The following DENND2A variants were observed in gnomAD, a reference collection of about 807,000 sequenced individuals.
DENND2A encodes DENN domain containing 2A.
Under a neutral mutation model 105.3 loss-of-function variants are expected in DENND2A, and 53 were observed. The observed-to-expected ratio is 0.50, with a 90% CI of 0.40 to 0.63. DENND2A has a LOEUF of 0.63. Ranked by LOEUF, DENND2A falls within the 30% of genes least tolerant of loss-of-function variation. The probability of loss-of-function intolerance (pLI) is 0.00; values close to 1 mark genes in which losing one functional copy is unlikely to be tolerated. For synonymous variants in DENND2A, 522 were observed against 508.4 expected (o/e 1.03, Z -0.36); for missense variants, 1,138 against 1,279.6 (o/e 0.89, Z 1.69).
intron 9 of DENND2A, among the ~76,000 whole-genome samples, chr7:140,562,105 G>A (rs1797640356): frequency 6.6e-6 from 1 of 151,630 alleles, no homozygotes; most frequent in Non-Finnish European, 1.5e-5. Flanking sequence ...GGCCAGGCTG[G>A]TCTCGAACTC....
rs760630133 is a variant in DENND2A at position 140,601,852 on chromosome 7, T to G, written c.546A>C (p.Pro182=). The G allele has an allele frequency of 1.2e-6, 2 of 1,614,052 alleles. No homozygotes were observed. Among genetic ancestry groups the G allele is most frequent in the Non-Finnish European group, 8.5e-7 (1 of 1,180,042 alleles). Reference sequence around the variant, plus strand: ...GGCAGTGTGGGGAGTAACAAGTCCCTGGTAACTGGGGATCCAGCCCTGCCG... The same window carrying G: ...GGCAGTGTGGGGAGTAACAAGTCCCGGGTAACTGGGGATCCAGCCCTGCCG... ...DGSAGLDPQL[P]GTCYSPHCPP... The change falls in exon 3 of 20, where the codon CCA becomes CCC. Residue 182 remains proline (P), a synonymous_variant. Coordinates refer to ENST00000496613, the MANE Select transcript of DENND2A (RefSeq NM_015689.5).
chr7:140,639,175 A>G (rs551344594), intron 1 of DENND2A, among the ~76,000 whole-genome samples: 35 of 152,098 alleles, frequency 2.3e-4, no homozygotes, highest in African/African-American at 8.2e-4. Flanking sequence ...AACATGGTGA[A>G]ACCCCGTCTC....
chr7:140,544,674 A>G lies in DENND2A; in HGVS notation c.2271T>C (p.Cys757=). The G allele has an allele frequency of 6.2e-7, 1 of 1,614,124 alleles. No homozygotes were observed. The highest frequency in any genetic ancestry group is 8.5e-7 in the Non-Finnish European group (1 of 1,180,014). Residue 757 remains cysteine (C), a synonymous_variant, in exon 14 of 20, where the codon TGT becomes TGC. Transcript: ENST00000496613. ...FSSLSVRHLV[C]VFASLLLERR... ...TCTCCAGAAGCAGGGAGGCAAACAC[A>G]CAGACCAGGTGGCGGACGCTGAGGG...
chr7:140,610,349 G>A (rs1011771381), intron 1 of DENND2A, among the ~76,000 whole-genome samples: 1 of 151,120 alleles, frequency 6.6e-6, no homozygotes, highest in Non-Finnish European at 1.5e-5. Context: ...ATCCTGTTGG[G>A]TACTGCGGTC....
intron 12 of DENND2A, among the ~76,000 whole-genome samples, chr7:140,551,299 C>CAAAAAAAA (rs529992901): frequency 1.4e-5 from 1 of 71,742 alleles, no homozygotes; most frequent in Non-Finnish European, 2.7e-5. Context: ...GACTCCATCT[C>CAAAAAAAA]AAAAAAAAAA....
intron 1 of DENND2A, among the ~76,000 whole-genome samples, chr7:140,611,842 G>A (rs968491512): frequency 6.6e-6 from 1 of 152,196 alleles, no homozygotes; most frequent in Non-Finnish European, 1.5e-5. Context: ...GCTATTAATA[G>A]GTGAGGGTTT....
intron 1 of DENND2A, among the ~76,000 whole-genome samples, chr7:140,606,680 G>A (rs1354601643): frequency 1.3e-5 from 2 of 152,132 alleles, no homozygotes; most frequent in African/African-American, 2.4e-5. Context: ...AGCCAGTCAC[G>A]AGGTCATCTG....
At chr7:140,611,483 A>G (rs1799896829) in intron 1 of DENND2A, among the ~76,000 whole-genome samples, 1 of 152,168 alleles carries the variant, frequency 6.6e-6, no homozygotes, top group Non-Finnish European at 1.5e-5. Context: ...GGCTGCAGCG[A>G]GCCTTGATTG....
At position 140,601,743 on chromosome 7, in the gene DENND2A, G is replaced by T. The variant is rs763055670; in HGVS notation, c.655C>A (p.Pro219Thr). 17 of 1,613,958 alleles carry T rather than the reference G, an allele frequency of 1.1e-5. No homozygotes were observed. Among genetic ancestry groups the T allele is most frequent in the Non-Finnish European group, 1.4e-5 (17 of 1,179,990 alleles). The change falls in exon 3 of 20, where the codon CCC becomes ACC. Residue 219 changes from proline (P) to threonine (T), a missense_variant. Physicochemically the swap from Pro to Thr is conservative, Grantham distance 38 (BLOSUM62 -1). Coordinates refer to ENST00000496613, the MANE Select transcript of DENND2A (RefSeq NM_015689.5). Reference protein sequence around the residue: ...SGSEVSQRVHPSDLEGREPTP... With the variant: ...SGSEVSQRVHTSDLEGREPTP... The stretch of plus-strand genomic sequence containing the variant: ...GGCTCCCTGCCTTCCAGGTCCGAGG[G>T]GTGGACCCTCTGGCTGACTTCTGAG...
intron 12 of DENND2A, among the ~76,000 whole-genome samples, chr7:140,550,072 T>C (rs1797058557): frequency 7.1e-6 from 1 of 141,708 alleles, no homozygotes; most frequent in African/African-American, 2.7e-5. Flanking sequence ...CCTAGAATCC[T>C]GGAATTCATA....
intron 5 of DENND2A, among the ~76,000 whole-genome samples, chr7:140,578,781 G>A (rs545691372): frequency 6.6e-6 from 1 of 152,322 alleles, no homozygotes; most frequent in African/African-American, 2.4e-5. Context: ...GGCTGAGACA[G>A]GAGAATCGCT....
intron 10 of DENND2A, among the ~76,000 whole-genome samples, chr7:140,558,789 C>T (rs1285365672): frequency 7.1e-6 from 1 of 140,250 alleles, no homozygotes; most frequent in Non-Finnish European, 1.5e-5. Flanking sequence ...CCATCCTGGG[C>T]TATCCTGTCA....
At position 140,583,667 on chromosome 7, in the gene DENND2A, C is replaced by T. The variant is rs149058991; in HGVS notation, c.1245+1922G>A. On this transcript the variant is annotated intron_variant, in intron 5 of 19. Coordinates refer to ENST00000496613, the MANE Select transcript of DENND2A (RefSeq NM_015689.5). ...AAATTTCGCCGGGCGCGGTGGCTCA[C>T]GCCTGCAACCCCAGCACTTTGGGAG... 8.2e-3 allele frequency among the ~76,000 whole-genome samples: 1,241 copies of T among 150,610 alleles called. 95 individuals carry two copies. The highest frequency in any genetic ancestry group is 0.021 in the African/African-American group (841 of 39,914).
At chr7:140,536,810 C>T (rs1796471712) in intron 14 of DENND2A, among the ~76,000 whole-genome samples, 2 of 152,082 alleles carry the variant, frequency 1.3e-5, no homozygotes, top group Admixed American at 1.3e-4. Context: ...TTACAGGCGC[C>T]TGCCATCATG....
intron 2 of DENND2A, among the ~76,000 whole-genome samples, chr7:140,603,729 G>C (rs776407439): frequency 1.6e-4 from 24 of 152,178 alleles, no homozygotes; most frequent in Non-Finnish European, 3.5e-4. Flanking sequence ...CTATCTAATA[G>C]AGTAGCCACC....
At chr7:140,581,793 G>A (rs1798555688) in intron 5 of DENND2A, among the ~76,000 whole-genome samples, 2 of 152,176 alleles carry the variant, frequency 1.3e-5, no homozygotes. Flanking sequence ...TACAGATACA[G>A]CTGGACGTTA....
In DENND2A at chr7:140,527,285, C is replaced by A; in HGVS notation, c.2505+33G>T. 1 of 1,540,500 alleles carries A rather than the reference C, an allele frequency of 6.5e-7. No homozygotes were observed. Among genetic ancestry groups the A allele is most frequent in the African/African-American group, 1.4e-5 (1 of 73,506 alleles). On this transcript the variant is annotated intron_variant, in intron 15 of 19. Coordinates refer to ENST00000496613, the MANE Select transcript of DENND2A (RefSeq NM_015689.5). This position sits in a 1 kb window ranked among gnomAD's most constrained non-coding sequence, Gnocchi z 4.9. ...GCCCCGCTCTGTTCTCCGCACCCTG[C>A]AGGGAGGGGGACAGGGCTGAGTGGG...
intron 2 of DENND2A, among the ~76,000 whole-genome samples, chr7:140,605,028 C>A (rs1799640719): frequency 6.6e-6 from 1 of 152,194 alleles, no homozygotes; most frequent in Non-Finnish European, 1.5e-5. Flanking sequence ...ACTATGGAAG[C>A]TCTGTCGGAA....
In DENND2A at chr7:140,602,377, A is replaced by G; in HGVS notation, c.21T>C (p.Asp7=). 6.3e-7 allele frequency: 1 copy of G among 1,582,612 alleles called. No individual in the cohort carries two copies. The highest frequency in any genetic ancestry group is 8.6e-7 in the Non-Finnish European group (1 of 1,168,166). Residue 7 remains aspartate (D), a synonymous_variant, in exon 3 of 20, where the codon GAT becomes GAC. Transcript: ENST00000496613. Reference sequence around the variant, plus strand: ...CTGCAGCTGGGTCACTGATGATCATATCCAAGCTGAACATATCCATTCTTG... The same window carrying G: ...CTGCAGCTGGGTCACTGATGATCATGTCCAAGCTGAACATATCCATTCTTG... MDMFSL[D]MIISDPAAEA...
Sources: allele counts gnomAD v4.1 joint callset (sites outside exome capture counted in the v4.1 genomes callset), GRCh38; gene constraint gnomAD v4.1.1; non-coding constraint Gnocchi (gnomAD v3.1); transcripts MANE v1.5; gene names NCBI Gene and HGNC (gene_info 2026-07-23, HGNC 2026-07-21).